Variants in VWF observed in about 807,000 individuals in gnomAD.
VWF encodes the protein Factor VIII related antigen.
A neutral mutation model predicts 308.6 loss-of-function variants in VWF; 176 were observed. The ratio of observed to expected loss-of-function variants is 0.57; its 90% CI spans 0.50 to 0.65. The LOEUF (loss-of-function observed/expected upper bound fraction) is 0.65. VWF is among the 30% of genes least tolerant of loss of function. The pLI is 0.00. For synonymous variants in VWF, 1,385 were observed against 1,443.4 expected (o/e 0.96, Z 0.92); for missense variants, 3,146 against 3,648.2 (o/e 0.86, Z 3.55).
intron 3 of VWF, among the ~76,000 whole-genome samples, chr12:6,111,763 ACACGGTGAAACCCCG>A (rs1200823610): frequency 6.7e-6 from 1 of 150,126 alleles, no homozygotes; most frequent in Non-Finnish European, 1.5e-5. Context: ...ATCCTGGCTA[ACACGGTGAAACCCCG>A]TCTCTACTAA....
At chr12:6,114,428 G>C (rs1298912619) in intron 3 of VWF, among the ~76,000 whole-genome samples, 1 of 152,222 alleles carries the variant, frequency 6.6e-6, no homozygotes, top group Non-Finnish European at 1.5e-5. Flanking sequence ...GTAAAGTAAG[G>C]CCTGCAAGGC....
intron 16 of VWF, among the ~76,000 whole-genome samples, chr12:6,049,990 C>T (rs1384386126): frequency 6.6e-6 from 1 of 152,126 alleles, no homozygotes; most frequent in Non-Finnish European, 1.5e-5. Flanking sequence ...CCTTAGGGAT[C>T]CTCGCTACTC....
At chr12:6,016,371 G>A (rs1944056916) in intron 30 of VWF, 139 bp from the exon 31 acceptor site, 20 of 1,449,920 alleles carry the variant, frequency 1.4e-5, no homozygotes, top group Middle Eastern at 1.9e-4. Context: ...CTGGAGAGAC[G>A]TGGAAGAGCA....
At chr12:6,049,937 C>A (rs1394749606) in intron 16 of VWF, among the ~76,000 whole-genome samples, 1 of 152,194 alleles carries the variant, frequency 6.6e-6, no homozygotes, top group Non-Finnish European at 1.5e-5. Context: ...AACATTCCCC[C>A]AAGTTCTGAC....
At chr12:6,101,681 C>A (rs148246393) in intron 5 of VWF, among the ~76,000 whole-genome samples, 481 of 152,106 alleles carry the variant, frequency 3.2e-3, no homozygotes, top group African/African-American at 0.011. Context: ...GAGGCTGAGG[C>A]AGGACAATTG....
At chr12:5,992,626 C>A (rs906143781) in intron 37 of VWF, among the ~76,000 whole-genome samples, 1 of 152,182 alleles carries the variant, frequency 6.6e-6, no homozygotes, top group African/African-American at 2.4e-5. Context: ...ATACATATGT[C>A]TTTTATGCTT....
chr12:5,995,976 A>G lies in VWF; in HGVS notation c.6063+26T>C, dbSNP rs565966811. 1.6e-5 allele frequency: 26 copies of G among 1,607,828 alleles called. No individual in the cohort carries two copies. In the South Asian group the frequency reaches 2.8e-4, roughly 17 times the overall value. ...TTTCCTGACATTCTATTGCCTTACCACGGATCCACAGAAAGTACTTCTCAC... is the reference window on the plus strand; with the variant it reads ...TTTCCTGACATTCTATTGCCTTACCGCGGATCCACAGAAAGTACTTCTCAC... On this transcript the variant is annotated intron_variant, in intron 35 of 51. Transcript: ENST00000261405.
rs1314281281 is a variant in VWF at position 6,051,958 on chromosome 12, C to G, written c.2186+585G>C. 2.0e-5 allele frequency among the ~76,000 whole-genome samples: 3 copies of G among 152,204 alleles called. No homozygotes were observed. In the East Asian group the frequency reaches 5.8e-4, roughly 29 times the overall value. On this transcript the variant is annotated intron_variant, in intron 16 of 51. Transcript: ENST00000261405. ...ATTCTTAGCCAGAACTAAGACAGAA[C>G]AGGTGACAGGTAAGTGTTTGCTCAA...
chr12:6,078,029 A>G (rs1182962920), intron 6 of VWF, among the ~76,000 whole-genome samples: 1 of 152,116 alleles, frequency 6.6e-6, no homozygotes, highest in Non-Finnish European at 1.5e-5. Context: ...ACCTTAATAA[A>G]TGATGACCCC....
chr12:6,085,720 G>T (rs780812969), intron 6 of VWF, among the ~76,000 whole-genome samples: 1 of 149,234 alleles, frequency 6.7e-6, no homozygotes, highest in South Asian at 2.1e-4. Context: ...TGGGCGGGGA[G>T]GGGGGGCGCG....
chr12:6,087,743 G>C (rs918941154), intron 6 of VWF, among the ~76,000 whole-genome samples: 3 of 152,088 alleles, frequency 2.0e-5, no homozygotes, highest in Non-Finnish European at 4.4e-5. Flanking sequence ...CATGCGGCAG[G>C]TAGGGGGTTG....
Position 6,075,265 on chromosome 12 carries a change from C to A in VWF, c.874+70G>T. On this transcript the variant is annotated intron_variant, in intron 7 of 51. Coordinates refer to ENST00000261405, the MANE Select transcript of VWF (RefSeq NM_000552.5). This position sits in a 1 kb window ranked among gnomAD's most constrained non-coding sequence, Gnocchi z 4.7. ...CATACGTGACACAGCCCCGAAGCAC[C>A]CTAAGGGACACCACCCAGGACAGAC... is the stretch of plus-strand genomic sequence containing the variant. 6.2e-7 allele frequency: 1 copy of A among 1,600,350 alleles called. No individual in the cohort carries two copies. Among genetic ancestry groups the A allele is most frequent in the Non-Finnish European group, 8.5e-7 (1 of 1,170,606 alleles).
At chr12:6,078,015 A>G (rs1441855342) in intron 6 of VWF, among the ~76,000 whole-genome samples, 1 of 152,144 alleles carries the variant, frequency 6.6e-6, no homozygotes, top group Non-Finnish European at 1.5e-5. Flanking sequence ...CACGCGGAAG[A>G]CTTACCTTAA....
Position 5,994,534 on chromosome 12 carries a change from AT to A in VWF, c.6136del (p.Ile2046SerfsTer53). 1 of 1,614,042 alleles carries A rather than the reference AT, an allele frequency of 6.2e-7. No individual in the cohort carries two copies. On this transcript the variant is annotated frameshift_variant, in exon 36 of 52. Transcript: ENST00000261405. LOFTEE classifies it high-confidence loss of function. ...GNMEVNVYGAIMHEVRFNHLG... is the reference protein window; with the variant it reads ...GNMEVNVYGAXMHEVRFNHLG... ...GTGATTGAATCTGACCTCATGCATG[AT>A]GGCACCATAAACGTTGACTTCCATG...
intron 17 of VWF, among the ~76,000 whole-genome samples, chr12:6,045,986 GC>G (rs1409891377): frequency 1.3e-5 from 2 of 152,194 alleles, no homozygotes; most frequent in African/African-American, 4.8e-5. Context: ...ACTTTGGGAG[GC>G]CGAGGCAGGC....
At chr12:5,967,342 G>A (rs1943414517) in intron 47 of VWF, 144 bp downstream of exon 47, 12 of 779,526 alleles carry the variant, frequency 1.5e-5, no homozygotes, top group Non-Finnish European at 2.2e-5. Flanking sequence ...GTGATTTTTA[G>A]TCTCTTCTTT....
intron 50 of VWF, among the ~76,000 whole-genome samples, chr12:5,951,024 CT>C (rs1943184630): frequency 6.6e-6 from 1 of 152,136 alleles, no homozygotes; most frequent in Non-Finnish European, 1.5e-5. Flanking sequence ...TTCACTCTTC[CT>C]TTCTCTATCT....
intron 42 of VWF, among the ~76,000 whole-genome samples, chr12:5,976,875 T>C (rs1264262457): frequency 6.6e-6 from 1 of 152,212 alleles, no homozygotes; most frequent in African/African-American, 2.4e-5. Flanking sequence ...AAGTCTGGGA[T>C]GCACGCCACA....
intron 47 of VWF, among the ~76,000 whole-genome samples, chr12:5,963,083 A>G (rs1283772898): frequency 6.6e-6 from 1 of 152,236 alleles, no homozygotes; most frequent in Non-Finnish European, 1.5e-5. Context: ...CTTCTTAAAC[A>G]GGACATAAAA....
Sources: allele counts gnomAD v4.1 joint callset (sites outside exome capture counted in the v4.1 genomes callset), GRCh38; gene constraint gnomAD v4.1.1; non-coding constraint Gnocchi (gnomAD v3.1); transcripts MANE v1.5; gene names NCBI Gene and HGNC (gene_info 2026-07-23, HGNC 2026-07-21).